The following TENM1 variants were observed in gnomAD, a reference collection of about 807,000 sequenced individuals.
TENM1 encodes teneurin-1.
In TENM1, 35 loss-of-function variants were observed where a neutral mutation model predicts 174.8. That is an observed-to-expected ratio of 0.20 (90% confidence interval 0.15 to 0.27). The LOEUF (loss-of-function observed/expected upper bound fraction) is 0.27, where lower values mean the gene tolerates loss of function less well. Ranked by LOEUF, TENM1 falls within the 10% of genes least tolerant of loss-of-function variation. The pLI, the probability that TENM1 is intolerant of heterozygous loss-of-function variation, is 1.00. For synonymous variants in TENM1, 781 were observed against 798.7 expected (o/e 0.98, Z 0.37); for missense variants, 1,633 against 2,130.1 (o/e 0.77, Z 4.59).
chrX:124,536,005 A>G (rs1386233959), intron 15 of TENM1, among the ~76,000 whole-genome samples: 1 of 111,741 alleles, frequency 8.9e-6, no homozygotes, highest in Non-Finnish European at 1.9e-5. Context: ...AACAGTACCT[A>G]TTGTGATCGG....
chrX:124,450,956 A>G (rs184502331), intron 23 of TENM1, among the ~76,000 whole-genome samples: 1 of 112,500 alleles, frequency 8.9e-6, no homozygotes, highest in Non-Finnish European at 1.9e-5. Context: ...ACTTGCAGAC[A>G]AGACCATCCT....
In TENM1 at chrX:124,451,833, A is replaced by T. The variant is rs763146117; in HGVS notation, c.4104+1504T>A. On this transcript the variant is annotated intron_variant, in intron 23 of 31. Transcript: ENST00000422452. ...TGGCTAGCCATATGGAGAAAGCTGAAACTGGATCCCTTCCTTACACCTTAT... is the reference window on the plus strand; with the variant it reads ...TGGCTAGCCATATGGAGAAAGCTGATACTGGATCCCTTCCTTACACCTTAT... Among the ~76,000 whole-genome samples, 5 of 112,198 alleles carry T rather than the reference A, an allele frequency of 4.5e-5. No homozygotes were observed. The South Asian group carries it at 1.9e-3, about 42-fold the overall frequency.
In TENM1 at chrX:124,942,820, T is replaced by C. The variant is rs1319399520; in HGVS notation, c.217+20717A>G. 3.6e-5 allele frequency among the ~76,000 whole-genome samples: 4 copies of C among 111,283 alleles called. No individual in the cohort carries two copies. The East Asian group carries it at 1.1e-3, about 31-fold the overall frequency. On this transcript the variant is annotated intron_variant, in intron 1 of 31. Transcript: ENST00000422452. ...AGATAAAGACATATCGCCAGTTTTA[T>C]TATTTTTATTTCAAATAGATGTCTT...
At chrX:125,003,639 A>T in the TENM1 span, among the ~76,000 whole-genome samples, 1 of 110,936 alleles carries the variant, frequency 9.0e-6, no homozygotes, top group Non-Finnish European at 1.9e-5. Context: ...TCTTTTTACC[A>T]AATTTGAAAG....
At chrX:124,467,552 G>T (rs2061252897) in intron 22 of TENM1, among the ~76,000 whole-genome samples, 1 of 111,752 alleles carries the variant, frequency 8.9e-6, no homozygotes. Flanking sequence ...TAATGCAGGG[G>T]TCCTTGATGA....
At chrX:124,972,257 T>G in the TENM1 span, among the ~76,000 whole-genome samples, 9 of 111,112 alleles carry the variant, frequency 8.1e-5, no homozygotes, top group East Asian at 2.0e-3. Context: ...TTAAATCATA[T>G]TGATGCCATA....
chrX:124,702,338 C>T (rs761033394), intron 5 of TENM1, among the ~76,000 whole-genome samples: 8 of 111,397 alleles, frequency 7.2e-5, no homozygotes, highest in Non-Finnish European at 1.3e-4. Context: ...ACTGACTTAT[C>T]CAGTCACATA....
chrX:125,165,549 A>G, the TENM1 span, among the ~76,000 whole-genome samples: 396 of 111,955 alleles, frequency 3.5e-3, 2 homozygotes, highest in African/African-American at 0.012. Flanking sequence ...CAGGTAAGGG[A>G]AAGAGAAGCA....
intron 14 of TENM1, among the ~76,000 whole-genome samples, chrX:124,554,181 A>G (rs954199521): frequency 2.7e-5 from 3 of 112,493 alleles, no homozygotes; most frequent in African/African-American, 9.7e-5. Flanking sequence ...TCCTATTTCT[A>G]TGACATTTGT....
intron 5 of TENM1, among the ~76,000 whole-genome samples, chrX:124,677,873 G>C (rs2052130022): frequency 9.0e-6 from 1 of 111,577 alleles, no homozygotes; most frequent in African/African-American, 3.2e-5. Flanking sequence ...CAATGTTAAT[G>C]TCTTAGTTTT....
At chrX:124,844,479 T>TG (rs2056568365) in intron 3 of TENM1, among the ~76,000 whole-genome samples, 1 of 111,149 alleles carries the variant, frequency 9.0e-6, no homozygotes, top group Non-Finnish European at 1.9e-5. Context: ...AGTCTCTTGG[T>TG]CTTGATGGAC....
At chrX:125,196,329 A>T in the TENM1 span, among the ~76,000 whole-genome samples, 6 of 111,611 alleles carry the variant, frequency 5.4e-5, no homozygotes, top group Non-Finnish European at 1.1e-4. Context: ...CAAATAAGTG[A>T]TGTATTCATG....
At chrX:124,869,332 C>T (rs1450258072) in intron 3 of TENM1, among the ~76,000 whole-genome samples, 5 of 111,477 alleles carry the variant, frequency 4.5e-5, no homozygotes, top group Middle Eastern at 4.2e-3. Context: ...AAAGGGAATA[C>T]TTGCACACTG....
chrX:124,591,873 G>C (rs1044773157), intron 11 of TENM1, among the ~76,000 whole-genome samples: 1 of 111,249 alleles, frequency 9.0e-6, no homozygotes, highest in Non-Finnish European at 1.9e-5. Context: ...TCACATTTTG[G>C]TTGCTATATA....
At chrX:124,938,623 A>T (rs890937639) in intron 1 of TENM1, among the ~76,000 whole-genome samples, 1 of 112,111 alleles carries the variant, frequency 8.9e-6, no homozygotes, top group Admixed American at 9.5e-5. Context: ...GGATGACAAT[A>T]GTGAGAAATA....
At chrX:124,907,996 C>A (rs965082993) in intron 1 of TENM1, among the ~76,000 whole-genome samples, 5 of 111,848 alleles carry the variant, frequency 4.5e-5, no homozygotes, top group African/African-American at 1.6e-4. Context: ...TTGCAACTGA[C>A]TAAGCACAAG....
the TENM1 span, among the ~76,000 whole-genome samples, chrX:125,155,534 G>C: frequency 9.1e-6 from 1 of 109,752 alleles, no homozygotes; most frequent in Non-Finnish European, 1.9e-5. Flanking sequence ...CGCTCGTCGG[G>C]GAGACTCGGG....
the TENM1 span, among the ~76,000 whole-genome samples, chrX:125,159,226 A>C: frequency 8.9e-6 from 1 of 112,298 alleles, no homozygotes; most frequent in Non-Finnish European, 1.9e-5. Context: ...AAGCCCCTTA[A>C]CGTATCCTCA....
At chrX:124,435,627 T>C (rs2060828871) in intron 23 of TENM1, among the ~76,000 whole-genome samples, 1 of 112,058 alleles carries the variant, frequency 8.9e-6, no homozygotes, top group Non-Finnish European at 1.9e-5. Context: ...GTCTCTCTCA[T>C]CTTAACTCTG....
Sources: gnomAD v4.1 joint callset for allele counts (sites outside exome capture counted in the v4.1 genomes callset) on GRCh38, gnomAD v4.1.1 for gene constraint, MANE v1.5 for transcripts, NCBI Gene and HGNC (gene_info 2026-07-23, HGNC 2026-07-21) for gene names.